Variants in PALD1 observed in about 807,000 individuals in gnomAD.
PALD1 encodes paladin.
Under a neutral mutation model 96.0 loss-of-function variants are expected in PALD1, and 57 were observed. That is an observed-to-expected ratio of 0.59 (90% CI 0.48 to 0.74). The LOEUF (loss-of-function observed/expected upper bound fraction) is 0.74. Ranked by LOEUF, PALD1 falls within the 30% of genes least tolerant of loss-of-function variation. The probability of loss-of-function intolerance (pLI) is 0.00; values close to 1 mark genes in which losing one functional copy is unlikely to be tolerated. For missense variants in PALD1, 1,063 were observed against 1,143.7 expected (o/e 0.93, Z 1.02); for synonymous variants, 464 against 473.6 (o/e 0.98, Z 0.26).
intron 1 of PALD1, among the ~76,000 whole-genome samples, chr10:70,497,838 G>T (rs1280006917): frequency 6.6e-6 from 1 of 152,154 alleles, no homozygotes; most frequent in Non-Finnish European, 1.5e-5. Context: ...GCCTCCCAAA[G>T]TGCTGGGATT....
In PALD1 at chr10:70,538,308, G is replaced by A; in HGVS notation, c.1352G>A (p.Ser451Asn). ...QYPLAFALSFSRWLCAHPELY... is the reference protein window; with the variant it reads ...QYPLAFALSFNRWLCAHPELY... The stretch of plus-strand genomic sequence containing the variant: ...CCGCTGGCCTTTGCCCTCAGTTTCA[G>A]CCGCTGGCTGTGTGCCCACCCTGAG... Residue 451 changes from serine (S) to asparagine (N), a missense_variant, in exon 12 of 20, where the codon AGC becomes AAC. Coordinates refer to ENST00000263563, the MANE Select transcript of PALD1 (RefSeq NM_014431.3). 1 of 1,604,886 alleles carries A rather than the reference G, an allele frequency of 6.2e-7. No individual in the cohort carries two copies. Among genetic ancestry groups the A allele is most frequent in the South Asian group, 1.1e-5 (1 of 91,078 alleles).
intron 1 of PALD1, among the ~76,000 whole-genome samples, chr10:70,509,199 C>G (rs909556416): frequency 7.2e-5 from 11 of 152,178 alleles, no homozygotes; most frequent in Admixed American, 2.0e-4. Context: ...GGTCCCTGCT[C>G]TAAGCTTCCT....
In PALD1 at chr10:70,560,064, C is replaced by T. The variant is rs561401096; in HGVS notation, c.2263-4300C>T. On this transcript the variant is annotated intron_variant, in intron 18 of 19. Coordinates refer to ENST00000263563, the MANE Select transcript of PALD1 (RefSeq NM_014431.3). ...GGTTTATGGTTGTTTTGAGACAGCC[C>T]CTGCCTTGATGAAGCAATTAGAATC... is the stretch of plus-strand genomic sequence containing the variant. Among the ~76,000 whole-genome samples the T allele has an allele frequency of 2.0e-5, 3 of 152,256 alleles. No homozygotes were observed. The South Asian group carries it at 6.2e-4, about 32-fold the overall frequency.
At chr10:70,487,700 A>C in intron 1 of PALD1, among the ~76,000 whole-genome samples, 1 of 152,142 alleles carries the variant, frequency 6.6e-6, no homozygotes, top group African/African-American at 2.4e-5. Context: ...TTTCTTTAAA[A>C]AAAAAAACAA....
rs748967271 is a variant in PALD1, at chr10:70,537,800, C to G, written c.1228-11C>G. ...AGGAGTCTGTCCTTAACACCCTGTC[C>G]TCTCTCTCAGGGAAGCGGCAGCCGA... is the stretch of plus-strand genomic sequence containing the variant. On this transcript the variant is annotated splice_polypyrimidine_tract_variant and intron_variant, in intron 10 of 19. Coordinates refer to ENST00000263563, the MANE Select transcript of PALD1 (RefSeq NM_014431.3). 6.9e-6 allele frequency: 11 copies of G among 1,593,564 alleles called. No individual in the cohort carries two copies. The highest frequency in any genetic ancestry group is 9.5e-6 in the Non-Finnish European group (11 of 1,161,904).
intron 7 of PALD1, among the ~76,000 whole-genome samples, chr10:70,533,413 G>T (rs1847038747): frequency 6.6e-6 from 1 of 152,072 alleles, no homozygotes; most frequent in African/African-American, 2.4e-5. Context: ...GTATGTAGGT[G>T]TGTGTTTGTG....
upstream of PALD1, among the ~76,000 whole-genome samples, chr10:70,473,897 C>T (rs963738591): frequency 1.3e-5 from 2 of 149,486 alleles, no homozygotes; most frequent in African/African-American, 5.0e-5. Flanking sequence ...ATCCACCCCC[C>T]CCCCCTCAGC....
Position 70,494,104 on chromosome 10 carries a change from C to A in PALD1, c.-30+15045C>A, listed in dbSNP as rs184579048. Among the ~76,000 whole-genome samples, 748 of 152,314 alleles carry A rather than the reference C, an allele frequency of 4.9e-3. 4 individuals carry two copies. The highest frequency in any genetic ancestry group is 0.01 in the Middle Eastern group (3 of 294). The stretch of plus-strand genomic sequence containing the variant: ...CAATACCCTAGGAACGCCCCTCCCC[C>A]ACAGGACATTTGCATAGACTAGCCC... On this transcript the variant is annotated intron_variant, in intron 1 of 19. Transcript: ENST00000263563.
At position 70,539,194 on chromosome 10, in the gene PALD1, C is replaced by T; in HGVS notation, c.1672C>T (p.His558Tyr). The T allele has an allele frequency of 6.2e-7, 1 of 1,612,990 alleles. No homozygotes were observed. Among genetic ancestry groups the T allele is most frequent in the Non-Finnish European group, 8.5e-7 (1 of 1,179,586 alleles). ...GGAGGCCGTGTTGGAGTGTGACGGGCACACCTACAGCCTGCGGTGGCCTGG... is the reference window on the plus strand; with the variant it reads ...GGAGGCCGTGTTGGAGTGTGACGGGTACACCTACAGCCTGCGGTGGCCTGG... ...REEAVLECDG[H>Y]TYSLRWPGPP... Residue 558 changes from histidine to tyrosine, a missense_variant, in exon 14 of 20, where the codon CAC (histidine) becomes TAC (tyrosine). His to Tyr is a moderately conservative substitution (Grantham distance 83, BLOSUM62 2). Transcript: ENST00000263563. This position sits in a 1 kb window ranked among gnomAD's most constrained non-coding sequence, Gnocchi z 4.5.
At chr10:70,464,731 T>G in the PALD1 span, among the ~76,000 whole-genome samples, 1 of 150,852 alleles carries the variant, frequency 6.6e-6, no homozygotes, top group African/African-American at 2.4e-5. Context: ...GTTCAAGCTA[T>G]TCTCCTGCTT....
the PALD1 span, among the ~76,000 whole-genome samples, chr10:70,471,148 G>A: frequency 5.9e-5 from 9 of 152,248 alleles, no homozygotes; most frequent in African/African-American, 2.2e-4. Context: ...TAGTAGAGAC[G>A]AGGTTTCTCC....
At chr10:70,548,606 T>C (rs7910060) in intron 18 of PALD1, among the ~76,000 whole-genome samples, 149,244 of 152,252 alleles carry the variant, frequency 0.98, 73,223 homozygotes, top group East Asian at 1. Flanking sequence ...GGGGTGAGGA[T>C]TCCATGGTGC....
chr10:70,524,187 A>T (rs35957413), intron 1 of PALD1, among the ~76,000 whole-genome samples: 15,390 of 151,602 alleles, frequency 0.1, 942 homozygotes, highest in South Asian at 0.17. Flanking sequence ...TTATTGTCCA[A>T]GGATGCTTAT....
rs780268863 is a variant in PALD1 at position 70,534,049 on chromosome 10, G to A, written c.998G>A (p.Arg333His). The A allele has an allele frequency of 1.3e-5, 21 of 1,608,080 alleles. No homozygotes were observed. Among genetic ancestry groups the A allele is most frequent in the African/African-American group, 4.0e-5 (3 of 74,900 alleles). Residue 333 changes from arginine to histidine, a missense_variant, in exon 8 of 20, where the codon CGC (arginine) becomes CAC (histidine). Arg to His is a conservative substitution (Grantham distance 29). Coordinates refer to ENST00000263563, the MANE Select transcript of PALD1 (RefSeq NM_014431.3). Reference protein sequence around the residue: ...MVLGTLILLHRSGTTSQPEAA... With the variant: ...MVLGTLILLHHSGTTSQPEAA... ...CTGGGCACCCTCATCCTGCTTCACC[G>A]CAGTGGGACCACCTCCCAGCCAGAG...
chr10:70,553,822 A>G (rs1847533583), intron 18 of PALD1, among the ~76,000 whole-genome samples: 1 of 152,216 alleles, frequency 6.6e-6, no homozygotes, highest in South Asian at 2.1e-4. Context: ...ACAGAACTGG[A>G]AGCCATGGTC....
At chr10:70,508,800 TGTGTGTGTGTGTGTGTGTGC>T (rs1325507628) in intron 1 of PALD1, among the ~76,000 whole-genome samples, 1 of 138,396 alleles carries the variant, frequency 7.2e-6, no homozygotes, top group East Asian at 2.0e-4. Flanking sequence ...TGTGTGTGTG[TGTGTGTGTGTGTGTGTGTGC>T]AGGCCTGTGG....
chr10:70,562,057 G>A (rs552865270), intron 18 of PALD1, among the ~76,000 whole-genome samples: 1 of 152,364 alleles, frequency 6.6e-6, no homozygotes, highest in Non-Finnish European at 1.5e-5. Context: ...GAGCGGATTA[G>A]TGAGCTTTCT....
In PALD1 at chr10:70,534,523, A is replaced by G. The variant is rs150462733; in HGVS notation, c.1121A>G (p.Glu374Gly). 15 of 1,606,098 alleles carry G rather than the reference A, an allele frequency of 9.3e-6. No individual in the cohort carries two copies. In the African/African-American group the frequency reaches 2.0e-4, roughly 21 times the overall value. Residue 374 changes from glutamate (E) to glycine (G), a missense_variant and splice_region_variant, in exon 9 of 20, where the codon GAG (glutamate) becomes GGG (glycine). Coordinates refer to ENST00000263563, the MANE Select transcript of PALD1 (RefSeq NM_014431.3). The part of the protein sequence containing the change: ...MVPQGRRMVE[E>G]VDRAITACAE... ...CCCCAGGGAAGGAGGATGGTGGAAGAGGTGAGTGAGGGACAGCAAAGGGCT... is the reference window on the plus strand; with the variant it reads ...CCCCAGGGAAGGAGGATGGTGGAAGGGGTGAGTGAGGGACAGCAAAGGGCT...
chr10:70,557,744 G>A (rs1378871287), intron 18 of PALD1, among the ~76,000 whole-genome samples: 1 of 152,050 alleles, frequency 6.6e-6, no homozygotes, highest in African/African-American at 2.4e-5. Flanking sequence ...GCCATCTTTG[G>A]GGACTGTCAC....
Sources: gnomAD v4.1 joint callset for allele counts (sites outside exome capture counted in the v4.1 genomes callset) on GRCh38, gnomAD v4.1.1 for gene constraint, Gnocchi (gnomAD v3.1) non-coding constraint, MANE v1.5 for transcripts, NCBI Gene and HGNC (gene_info 2026-07-23, HGNC 2026-07-21) for gene names.